The following SLC24A2 variants were observed in gnomAD, a reference collection of about 807,000 sequenced individuals.
SLC24A2 encodes the protein sodium/potassium/calcium exchanger 2.
In SLC24A2, 36 loss-of-function variants were observed where a neutral mutation model predicts 62.0. The ratio of observed to expected loss-of-function variants is 0.58; its 90% CI spans 0.44 to 0.77. The LOEUF is 0.77. Among genes scored for constraint, SLC24A2 ranks in the 30% least tolerant of loss-of-function variants. The pLI is 0.00. For synonymous variants in SLC24A2, 358 were observed against 294.0 expected (o/e 1.22, Z -2.23); for missense variants, 846 against 817.9 (o/e 1.03, Z -0.42).
chr9:19,550,127 C>T lies in SLC24A2; in HGVS notation c.1479+10G>A. ...TTACAAGGGAACTATTTTTAAAATG[C>T]TTTACTTACAGGTTTGCGAACGTCA... On this transcript the variant is annotated intron_variant, in intron 8 of 10. Transcript: ENST00000341998. 1.9e-6 allele frequency: 3 copies of T among 1,613,170 alleles called. No individual in the cohort carries two copies. The highest frequency in any genetic ancestry group is 2.5e-6 in the Non-Finnish European group (3 of 1,179,404).
the SLC24A2 span, among the ~76,000 whole-genome samples, chr9:20,202,126 C>T: frequency 6.6e-6 from 1 of 151,370 alleles, no homozygotes; most frequent in East Asian, 1.9e-4. Flanking sequence ...GCATGGAACA[C>T]TCAGATGCCC....
chr9:20,027,754 A>T, the SLC24A2 span, among the ~76,000 whole-genome samples: 25 of 152,220 alleles, frequency 1.6e-4, no homozygotes, highest in Non-Finnish European at 2.9e-5. Flanking sequence ...GTGACTACAG[A>T]TAATGACAAT....
chr9:19,887,188 T>G, the SLC24A2 span, among the ~76,000 whole-genome samples: 6 of 152,216 alleles, frequency 3.9e-5, no homozygotes, highest in East Asian at 1.2e-3. Flanking sequence ...ATTCTGCACA[T>G]GTACCCTGGA....
the SLC24A2 span, among the ~76,000 whole-genome samples, chr9:20,074,290 TA>T: frequency 6.6e-6 from 1 of 152,030 alleles, no homozygotes; most frequent in Non-Finnish European, 1.5e-5. Flanking sequence ...TTTCATTTTC[TA>T]ACATTATCAA....
At chr9:19,741,897 C>T (rs749933322) in intron 2 of SLC24A2, among the ~76,000 whole-genome samples, 1 of 152,138 alleles carries the variant, frequency 6.6e-6, no homozygotes, top group Non-Finnish European at 1.5e-5. Context: ...TCAGCTATCT[C>T]AATTTATATT....
At chr9:19,974,793 G>C in the SLC24A2 span, among the ~76,000 whole-genome samples, 1 of 152,142 alleles carries the variant, frequency 6.6e-6, no homozygotes, top group Non-Finnish European at 1.5e-5. Context: ...AATGAAACTA[G>C]GTCTGTAAAA....
intron 2 of SLC24A2, among the ~76,000 whole-genome samples, chr9:19,758,204 G>C (rs190861173): frequency 6.6e-6 from 1 of 152,250 alleles, no homozygotes; most frequent in Non-Finnish European, 1.5e-5. Flanking sequence ...GGAAAAACTG[G>C]TTTATAGAAC....
At chr9:19,817,519 A>AT in the SLC24A2 span, among the ~76,000 whole-genome samples, 5 of 151,588 alleles carry the variant, frequency 3.3e-5, no homozygotes, top group African/African-American at 1.2e-4. Flanking sequence ...ATGTATATTC[A>AT]TTTTTTATAT....
chr9:19,695,384 A>C (rs1239839230), intron 2 of SLC24A2, among the ~76,000 whole-genome samples: 3 of 152,044 alleles, frequency 2.0e-5, no homozygotes, highest in African/African-American at 7.2e-5. Flanking sequence ...TTTACCAGAC[A>C]CTTGAGGAAA....
At chr9:19,647,061 C>CGT (rs1387891936) in intron 2 of SLC24A2, among the ~76,000 whole-genome samples, 7 of 28,188 alleles carry the variant, frequency 2.5e-4, no homozygotes, top group African/African-American at 1.3e-3. Flanking sequence ...CACACACACA[C>CGT]ACGCGCGCAC....
intron 7 of SLC24A2, among the ~76,000 whole-genome samples, chr9:19,570,290 C>A (rs191736219): frequency 1.3e-3 from 192 of 152,330 alleles, no homozygotes; most frequent in African/African-American, 4.4e-3. Context: ...TAAGGTTTTA[C>A]ACCTTTGCAC....
the SLC24A2 span, among the ~76,000 whole-genome samples, chr9:20,091,480 C>A: frequency 1.3e-5 from 2 of 152,060 alleles, no homozygotes; most frequent in Non-Finnish European, 2.9e-5. Flanking sequence ...AAAGGAAACC[C>A]CATCAGGCTA....
chr9:19,564,726 T>C (rs888997293), intron 7 of SLC24A2, among the ~76,000 whole-genome samples: 2 of 152,202 alleles, frequency 1.3e-5, no homozygotes, highest in African/African-American at 2.4e-5. Flanking sequence ...AGCCGTCTCA[T>C]GCTACATGAA....
the SLC24A2 span, among the ~76,000 whole-genome samples, chr9:20,073,923 T>C: frequency 8.3e-5 from 12 of 143,790 alleles, no homozygotes; most frequent in Non-Finnish European, 1.6e-4. Context: ...TGGGGAGATA[T>C]ATATATATAT....
At chr9:19,587,134 T>G (rs1384629451) in intron 5 of SLC24A2, among the ~76,000 whole-genome samples, 5 of 152,216 alleles carry the variant, frequency 3.3e-5, no homozygotes. Flanking sequence ...GTGACATTAT[T>G]CATTTGGGGA....
At chr9:19,770,142 T>A (rs894206979) in intron 2 of SLC24A2, among the ~76,000 whole-genome samples, 1 of 151,754 alleles carries the variant, frequency 6.6e-6, no homozygotes, top group Non-Finnish European at 1.5e-5. Context: ...GATTTCTGTA[T>A]ATGACCAAAG....
At chr9:20,225,310 C>T in the SLC24A2 span, among the ~76,000 whole-genome samples, 5 of 151,276 alleles carry the variant, frequency 3.3e-5, no homozygotes, top group African/African-American at 9.7e-5. Flanking sequence ...GGCAAAAATT[C>T]GGCAACAGTC....
chr9:19,641,245 T>C (rs1818484985), intron 2 of SLC24A2, among the ~76,000 whole-genome samples: 1 of 152,240 alleles, frequency 6.6e-6, no homozygotes, highest in Non-Finnish European at 1.5e-5. Flanking sequence ...TCTTGGGAAC[T>C]CTGCCCTCTT....
At chr9:19,913,922 A>T in the SLC24A2 span, among the ~76,000 whole-genome samples, 11 of 151,802 alleles carry the variant, frequency 7.2e-5, no homozygotes, top group South Asian at 2.1e-3. Flanking sequence ...CTTAATTCTT[A>T]CTGTATCCCA....
Sources: allele counts gnomAD v4.1 joint callset (sites outside exome capture counted in the v4.1 genomes callset), GRCh38; gene constraint gnomAD v4.1.1; transcripts MANE v1.5; gene names NCBI Gene and HGNC (gene_info 2026-07-23, HGNC 2026-07-21).